Variants in DPF3 observed in about 807,000 individuals in gnomAD.
The protein encoded by DPF3 is zinc finger protein DPF3.
DPF3 carries 18 observed loss-of-function variants against 56.8 expected under a neutral mutation model. The observed-to-expected ratio is 0.32, with a 90% confidence interval of 0.22 to 0.47. The LOEUF is 0.47. DPF3 is among the 20% of genes least tolerant of loss of function. The probability of loss-of-function intolerance (pLI) is 1.00; values close to 1 mark genes in which losing one functional copy is unlikely to be tolerated. For missense variants in DPF3, 403 were observed against 488.8 expected (o/e 0.82, Z 1.65); for synonymous variants, 188 against 180.2 (o/e 1.04, Z -0.35).
At chr14:72,773,942 A>G (rs1474863781) in intron 1 of DPF3, 4 of 455,268 alleles carry the variant, frequency 8.8e-6, no homozygotes, top group Non-Finnish European at 1.8e-5. Flanking sequence ...CATTTTAGCT[A>G]TTCTGAATAA....
intron 1 of DPF3, among the ~76,000 whole-genome samples, chr14:72,810,580 A>T (rs1882998501): frequency 6.8e-6 from 1 of 146,766 alleles, no homozygotes; most frequent in Non-Finnish European, 1.5e-5. Context: ...GCATGACTCT[A>T]CTTCACAGGA....
chr14:72,734,588 G>A lies in DPF3; in HGVS notation c.302-2654C>T, dbSNP rs371027616. Among the ~76,000 whole-genome samples, 5 of 152,010 alleles carry A rather than the reference G, an allele frequency of 3.3e-5. No homozygotes were observed. In the East Asian group the frequency reaches 5.8e-4, roughly 18 times the overall value. ...TATTTTAGTATCCCCCTTAGCCTTCGCAGCACTAAATAAATCCTATTTATT... is the reference window on the plus strand; with the variant it reads ...TATTTTAGTATCCCCCTTAGCCTTCACAGCACTAAATAAATCCTATTTATT... On this transcript the variant is annotated intron_variant, in intron 3 of 10. Coordinates refer to ENST00000556509, the MANE Select transcript of DPF3 (RefSeq NM_001280542.3).
intron 8 of DPF3, among the ~76,000 whole-genome samples, chr14:72,672,944 C>T (rs111719381): frequency 2.1e-3 from 312 of 151,982 alleles, no homozygotes; most frequent in South Asian, 3.1e-3. Context: ...AAACAGAGTC[C>T]GCTATCACAA....
intron 1 of DPF3, among the ~76,000 whole-genome samples, chr14:72,825,690 TGCCCA>T (rs71961480): frequency 3.0e-4 from 44 of 147,474 alleles, no homozygotes; most frequent in African/African-American, 5.3e-4. Context: ...CCACAGGCTC[TGCCCA>T]GCCCAGCCCA....
At chr14:72,666,318 A>T (rs190193794) in intron 8 of DPF3, among the ~76,000 whole-genome samples, 2 of 152,328 alleles carry the variant, frequency 1.3e-5, no homozygotes, top group Non-Finnish European at 2.9e-5. Context: ...CTAATGTGTC[A>T]TAGTTTCATT....
chr14:72,700,614 A>G (rs1457470267), intron 6 of DPF3, among the ~76,000 whole-genome samples: 2 of 152,046 alleles, frequency 1.3e-5, no homozygotes, highest in Admixed American at 6.5e-5. Context: ...GCCATCAACC[A>G]CCCAGGCCTG....
intron 1 of DPF3, among the ~76,000 whole-genome samples, chr14:72,861,741 A>G (rs868097607): frequency 1.9e-5 from 2 of 107,274 alleles, no homozygotes; most frequent in African/African-American, 3.6e-5. Flanking sequence ...AAGAAAGAGA[A>G]AGAAAGAAAG....
intron 1 of DPF3, chr14:72,836,626 C>T: frequency 1.3e-6 from 1 of 743,352 alleles, no homozygotes; most frequent in South Asian, 6.2e-5. Flanking sequence ...AACCTCCTAC[C>T]CAGTGCTTAG....
intron 6 of DPF3, among the ~76,000 whole-genome samples, chr14:72,709,100 C>T (rs1253851498): frequency 6.6e-6 from 1 of 152,238 alleles, no homozygotes; most frequent in Non-Finnish European, 1.5e-5. Flanking sequence ...GGAAGAGACC[C>T]TAGACCCTAT....
intron 4 of DPF3, among the ~76,000 whole-genome samples, chr14:72,731,115 G>A (rs533872363): frequency 9.9e-5 from 15 of 152,254 alleles, no homozygotes; most frequent in African/African-American, 3.6e-4. Flanking sequence ...GCAGTGAGCC[G>A]AGATCGAGAT....
At chr14:72,874,562 C>T (rs1374293065) in intron 1 of DPF3, among the ~76,000 whole-genome samples, 1 of 152,156 alleles carries the variant, frequency 6.6e-6, no homozygotes, top group African/African-American at 2.4e-5. Context: ...TCACGAATCT[C>T]TAGGGGAGTC....
chr14:72,871,409 A>G (rs1885896392), intron 1 of DPF3, among the ~76,000 whole-genome samples: 1 of 152,236 alleles, frequency 6.6e-6, no homozygotes, highest in Admixed American at 6.5e-5. Flanking sequence ...CCTATATTCT[A>G]TAAAGTCAAA....
intron 1 of DPF3, among the ~76,000 whole-genome samples, chr14:72,883,234 G>A (rs915379089): frequency 6.6e-6 from 1 of 152,232 alleles, no homozygotes; most frequent in Non-Finnish European, 1.5e-5. Context: ...GCTGAGGTAA[G>A]AGGATCACTT....
At chr14:72,649,660 T>TCGG (rs1555491965) in intron 8 of DPF3, among the ~76,000 whole-genome samples, 9 of 61,086 alleles carry the variant, frequency 1.5e-4, no homozygotes, top group Non-Finnish European at 2.9e-4. Flanking sequence ...CATCCCTGGG[T>TCGG]GGGGGGGGGG....
At chr14:72,774,307 T>C (rs1307221802) in intron 1 of DPF3, among the ~76,000 whole-genome samples, 1 of 150,850 alleles carries the variant, frequency 6.6e-6, no homozygotes, top group Non-Finnish European at 1.5e-5. Context: ...TCAGTTCTTT[T>C]AGGTATATAC....
intron 9 of DPF3, among the ~76,000 whole-genome samples, chr14:72,628,628 C>T (rs1222431640): frequency 6.6e-6 from 1 of 151,632 alleles, no homozygotes; most frequent in Non-Finnish European, 1.5e-5. Flanking sequence ...ATGAAGTAGT[C>T]TTGCCAAAAG....
At chr14:72,839,020 A>G (rs1250289572) in intron 1 of DPF3, among the ~76,000 whole-genome samples, 1 of 146,122 alleles carries the variant, frequency 6.8e-6, no homozygotes, top group South Asian at 2.1e-4. Context: ...TCCCGGGCTC[A>G]AGCAATTTTT....
intron 1 of DPF3, among the ~76,000 whole-genome samples, chr14:72,804,180 GACACACACACACACACACACAC>G (rs545355128): frequency 3.0e-5 from 4 of 133,260 alleles, no homozygotes; most frequent in East Asian, 2.3e-4. Context: ...TGCTTTCCAG[GACACACACACACACACACACAC>G]ACACACACAC....
chr14:72,778,596 C>T (rs1414029843), intron 1 of DPF3, among the ~76,000 whole-genome samples: 1 of 152,164 alleles, frequency 6.6e-6, no homozygotes, highest in Non-Finnish European at 1.5e-5. Context: ...CCAAAACCAT[C>T]CCCTCCCCGA....
Sources: allele counts gnomAD v4.1 joint callset (sites outside exome capture counted in the v4.1 genomes callset), GRCh38; gene constraint gnomAD v4.1.1; transcripts MANE v1.5; gene names NCBI Gene and HGNC (gene_info 2026-07-23, HGNC 2026-07-21).